The following EVA1A variants were observed in gnomAD, a reference collection of about 807,000 sequenced individuals.
EVA1A encodes the protein protein eva-1 homolog A.
EVA1A carries 7 observed loss-of-function variants against 9.8 expected under a neutral mutation model. That is an observed-to-expected ratio of 0.71 (90% CI 0.41 to 1.34). The LOEUF (loss-of-function observed/expected upper bound fraction) is 1.34. Among genes scored for constraint, EVA1A ranks in the 40% most tolerant of loss-of-function variants. EVA1A has a pLI of 0.01. For synonymous variants in EVA1A, 90 were observed against 85.6 expected (o/e 1.05, Z -0.28); for missense variants, 206 against 205.9 (o/e 1.00, Z 0.00).
intron 3 of EVA1A, among the ~76,000 whole-genome samples, chr2:75,496,760 G>C (rs953237625): frequency 6.6e-6 from 1 of 152,126 alleles, no homozygotes; most frequent in African/African-American, 2.4e-5. Context: ...AGAAAAGCCA[G>C]AGGCATCACA....
chr2:75,565,179 C>T (rs1325843710), upstream of EVA1A, among the ~76,000 whole-genome samples: 1 of 152,210 alleles, frequency 6.6e-6, no homozygotes, highest in Admixed American at 6.5e-5. Context: ...CATAGGCAAC[C>T]TTGCTGCACG....
chr2:75,554,643 G>A (rs1676639739), intron 1 of EVA1A, among the ~76,000 whole-genome samples: 1 of 152,208 alleles, frequency 6.6e-6, no homozygotes, highest in African/African-American at 2.4e-5. Flanking sequence ...AGTTGTGGGT[G>A]TGACCCTGAT....
chr2:75,532,589 A>G (rs887713449), intron 1 of EVA1A, among the ~76,000 whole-genome samples: 2 of 152,238 alleles, frequency 1.3e-5, no homozygotes, highest in Admixed American at 6.5e-5. Context: ...ACAGAGGAAA[A>G]ATAGACTGGA....
intron 1 of EVA1A, among the ~76,000 whole-genome samples, chr2:75,535,295 C>CAAAAAAAAAAAAAAAAAAAAAAAAA (rs3081156): frequency 1.1e-5 from 1 of 92,534 alleles, no homozygotes; most frequent in Non-Finnish European, 2.1e-5. Context: ...ATAGATATGG[C>CAAAAAAAAAAAAAAAAAAAAAAAAA]AAAAAAAAAA....
intron 2 of EVA1A, among the ~76,000 whole-genome samples, chr2:75,521,967 G>A (rs999628043): frequency 3.3e-5 from 5 of 151,990 alleles, no homozygotes; most frequent in African/African-American, 9.7e-5. Context: ...ATCTTTTAGC[G>A]GTATTAAATT....
At chr2:75,506,633 A>C (rs945839558) in intron 3 of EVA1A, among the ~76,000 whole-genome samples, 2 of 152,230 alleles carry the variant, frequency 1.3e-5, no homozygotes, top group African/African-American at 4.8e-5. Context: ...GGGAGGATGC[A>C]CAAAAGCAGA....
At chr2:75,568,085 A>G (rs7561429) in intron 1 of EVA1A, among the ~76,000 whole-genome samples, 2,570 of 152,250 alleles carry the variant, frequency 0.017, 78 homozygotes, top group African/African-American at 0.058. Context: ...AGAGCTTCCT[A>G]TGACTTCAAA....
At chr2:75,525,637 G>A (rs1018302049) in intron 1 of EVA1A, among the ~76,000 whole-genome samples, 1 of 152,220 alleles carries the variant, frequency 6.6e-6, no homozygotes, top group African/African-American at 2.4e-5. Flanking sequence ...AATGATGGGA[G>A]TCAAGGTGTG....
intron 1 of EVA1A, among the ~76,000 whole-genome samples, chr2:75,532,096 C>T (rs2103896783): frequency 7.4e-6 from 1 of 134,316 alleles, no homozygotes; most frequent in East Asian, 2.4e-4. Context: ...GGAGGCAGAG[C>T]TTGCAGTGAG....
intron 1 of EVA1A, among the ~76,000 whole-genome samples, chr2:75,524,851 A>G (rs1675365051): frequency 6.6e-6 from 1 of 151,964 alleles, no homozygotes; most frequent in African/African-American, 2.4e-5. Flanking sequence ...TTCTTCTTTG[A>G]CTTTCCCTTT....
chr2:75,505,750 G>A (rs1558672939), intron 3 of EVA1A, among the ~76,000 whole-genome samples: 2 of 151,986 alleles, frequency 1.3e-5, no homozygotes. Flanking sequence ...GAAGGCAGAG[G>A]TTGCAGTGAG....
rs1056481362 is a variant in EVA1A at position 75,556,947 on chromosome 2, G to A, written c.-192+3733C>T. Among the ~76,000 whole-genome samples, 10 of 152,276 alleles carry A rather than the reference G, an allele frequency of 6.6e-5. 1 individual carries two copies. The highest frequency in any genetic ancestry group is 2.4e-4 in the African/African-American group (10 of 41,560). ...AAGGGGTTTGAGGACCTCACCATGG[G>A]GATCTGAAGAGTCTTGGATGTCAAT... On this transcript the variant is annotated intron_variant, in intron 1 of 3. Transcript: ENST00000393913.
At chr2:75,539,131 C>T (rs1676022890) in intron 1 of EVA1A, among the ~76,000 whole-genome samples, 1 of 152,140 alleles carries the variant, frequency 6.6e-6, no homozygotes, top group Non-Finnish European at 1.5e-5. Context: ...ATAATCTGCA[C>T]ATTAAATCTT....
upstream of EVA1A, among the ~76,000 whole-genome samples, chr2:75,561,499 G>A (rs1337893908): frequency 2.6e-5 from 4 of 151,860 alleles, no homozygotes; most frequent in African/African-American, 9.7e-5. Flanking sequence ...CAGGGTTGGG[G>A]TTTTGTTTGT....
intron 1 of EVA1A, among the ~76,000 whole-genome samples, chr2:75,525,255 T>C (rs974777516): frequency 3.9e-5 from 6 of 152,320 alleles, no homozygotes; most frequent in African/African-American, 1.2e-4. Context: ...TTTTATCTAC[T>C]ATAAACTTAC....
chr2:75,546,669 T>G (rs1174838299), intron 1 of EVA1A, among the ~76,000 whole-genome samples: 3 of 152,056 alleles, frequency 2.0e-5, no homozygotes, highest in Admixed American at 2.0e-4. Flanking sequence ...AAGGGTCATG[T>G]TAGGGGTTGA....
intron 3 of EVA1A, among the ~76,000 whole-genome samples, chr2:75,516,897 T>C (rs1675025368): frequency 6.6e-6 from 1 of 152,176 alleles, no homozygotes; most frequent in Non-Finnish European, 1.5e-5. Context: ...AGAGCAAAGA[T>C]GAGATTCCTC....
chr2:75,563,320 G>A (rs190730461), upstream of EVA1A, among the ~76,000 whole-genome samples: 125 of 152,296 alleles, frequency 8.2e-4, 1 homozygote, highest in African/African-American at 2.8e-3. Context: ...TCATTCTCCA[G>A]AACATGCATC....
chr2:75,544,978 C>T (rs1267709484), intron 1 of EVA1A, among the ~76,000 whole-genome samples: 1 of 152,122 alleles, frequency 6.6e-6, no homozygotes, highest in Non-Finnish European at 1.5e-5. Flanking sequence ...AGTGTTCATC[C>T]CAAACCCTCA....
Sources: allele counts gnomAD v4.1 joint callset (sites outside exome capture counted in the v4.1 genomes callset), GRCh38; gene constraint gnomAD v4.1.1; transcripts MANE v1.5; gene names NCBI Gene and HGNC (gene_info 2026-07-23, HGNC 2026-07-21).